The following NBEA variants were observed in gnomAD, a reference collection of about 807,000 sequenced individuals.
NBEA encodes the protein lysosomal-trafficking regulator 2.
Under a neutral mutation model 343.4 loss-of-function variants are expected in NBEA, and 44 were observed. The ratio of observed to expected loss-of-function variants is 0.13; its 90% CI spans 0.10 to 0.16. NBEA has a LOEUF of 0.16. NBEA is among the 10% of genes least tolerant of loss of function. The pLI, the probability that NBEA is intolerant of heterozygous loss-of-function variation, is 1.00. For synonymous variants in NBEA, 1,175 were observed against 1,238.7 expected (o/e 0.95, Z 1.08); for missense variants, 2,555 against 3,631.3 (o/e 0.70, Z 7.62).
At chr13:35,384,147 G>A (rs995870346) in intron 38 of NBEA, among the ~76,000 whole-genome samples, 14 of 152,150 alleles carry the variant, frequency 9.2e-5, no homozygotes, top group African/African-American at 2.9e-4. Context: ...CAAGGAAAAG[G>A]TTAGAAAACT....
At chr13:34,947,569 T>C (rs1268797614) in intron 1 of NBEA, among the ~76,000 whole-genome samples, 2 of 152,212 alleles carry the variant, frequency 1.3e-5, no homozygotes, top group Non-Finnish European at 1.5e-5. Flanking sequence ...TTATACAATG[T>C]CAGCATATCT....
At chr13:35,642,369 T>A (rs7330057) in intron 49 of NBEA, among the ~76,000 whole-genome samples, 4,370 of 152,286 alleles carry the variant, frequency 0.029, 232 homozygotes, top group African/African-American at 0.1. Flanking sequence ...GAGCTTCTAA[T>A]AATGGATAAC....
At chr13:35,486,385 A>G (rs1466331159) in intron 41 of NBEA, among the ~76,000 whole-genome samples, 1 of 152,128 alleles carries the variant, frequency 6.6e-6, no homozygotes, top group African/African-American at 2.4e-5. Flanking sequence ...TACAATTGCA[A>G]CATTCTTTTC....
intron 31 of NBEA, among the ~76,000 whole-genome samples, chr13:35,197,886 T>C (rs531347218): frequency 1.3e-5 from 2 of 152,300 alleles, no homozygotes; most frequent in East Asian, 3.9e-4. Flanking sequence ...TGAAAATCTG[T>C]TGTGGAAAAT....
At chr13:35,619,100 A>G (rs1315004183) in intron 48 of NBEA, among the ~76,000 whole-genome samples, 2 of 150,540 alleles carry the variant, frequency 1.3e-5, no homozygotes, top group East Asian at 2.0e-4. Context: ...AAATGTAAAA[A>G]TTTGCATTTG....
At chr13:35,413,614 C>T (rs1439528187) in intron 38 of NBEA, among the ~76,000 whole-genome samples, 1 of 152,032 alleles carries the variant, frequency 6.6e-6, no homozygotes, top group Non-Finnish European at 1.5e-5. Flanking sequence ...AGTACCTAAA[C>T]CCTATTTATC....
At position 35,173,421 on chromosome 13, in the gene NBEA, TC is replaced by T. The variant is rs761651355; in HGVS notation, c.4424-42del. ...TGCAACTTTTTCCAGGATATCAAAG[TC>T]AACAATTTATATTAACAATATGTTT... On this transcript the variant is annotated intron_variant, in intron 26 of 58. Transcript: ENST00000379939. 1.5e-5 allele frequency: 22 copies of T among 1,483,724 alleles called. No homozygotes were observed. In the African/African-American group the frequency reaches 2.8e-4, roughly 19 times the overall value. The allele number at this position is 1,483,724 out of a possible 1,614,324, so 91.9% of individuals were successfully genotyped here.
chr13:34,993,556 AGTGT>A (rs2060834995), intron 1 of NBEA, among the ~76,000 whole-genome samples: 1 of 152,212 alleles, frequency 6.6e-6, no homozygotes, highest in African/African-American at 2.4e-5. Context: ...GCCAAAGATT[AGTGT>A]GGAGACTATC....
intron 8 of NBEA, 77 bp from the exon 9 acceptor site, chr13:35,069,831 A>G: frequency 2.9e-6 from 3 of 1,027,144 alleles, no homozygotes; most frequent in Non-Finnish European, 4.1e-6. Context: ...ATTATTGTAA[A>G]TGTTTCTCTG....
intron 1 of NBEA, among the ~76,000 whole-genome samples, chr13:34,971,960 ATCTG>A (rs1221977357): frequency 6.6e-6 from 1 of 151,966 alleles, no homozygotes; most frequent in South Asian, 2.1e-4. Flanking sequence ...TCAGCTGTGA[ATCTG>A]TCTGGCCCTG....
intron 1 of NBEA, among the ~76,000 whole-genome samples, chr13:34,973,589 G>A (rs1457687638): frequency 6.6e-6 from 1 of 152,150 alleles, no homozygotes; most frequent in Non-Finnish European, 1.5e-5. Flanking sequence ...TGCTGTGCTG[G>A]GGGATTCCTT....
chr13:35,275,932 A>G (rs2034551630), intron 34 of NBEA, among the ~76,000 whole-genome samples: 1 of 152,112 alleles, frequency 6.6e-6, no homozygotes, highest in African/African-American at 2.4e-5. Context: ...GCAAACCAAC[A>G]TGGCACGTAT....
rs1470649796 is a variant in NBEA at position 35,118,410 on chromosome 13, G to T, written c.2179G>T (p.Val727Leu). 2 of 1,607,264 alleles carry T rather than the reference G, an allele frequency of 1.2e-6. No individual in the cohort carries two copies. Among genetic ancestry groups the T allele is most frequent in the Non-Finnish European group, 8.5e-7 (1 of 1,177,234 alleles). Residue 727 changes from valine to leucine, a missense_variant, in exon 16 of 59, where the codon GTG becomes TTG. Physicochemically the swap from Val to Leu is conservative, Grantham distance 32. This residue lies in a region of NBEA where 360 missense variants were observed against 519.1 expected (regional missense o/e 0.69). Transcript: ENST00000379939. ...TATTCATGATGTGCTACAGTTACTG[G>T]TGGCTTTAATGTCGGAACACCCAGC... is the stretch of plus-strand genomic sequence containing the variant. ...ENIHDVLQLL[V>L]ALMSEHPASM...
intron 39 of NBEA, among the ~76,000 whole-genome samples, chr13:35,449,734 T>G (rs1339222376): frequency 6.6e-6 from 1 of 152,204 alleles, no homozygotes; most frequent in Non-Finnish European, 1.5e-5. Context: ...TCCCTAATCT[T>G]TTATTCCAGA....
intron 1 of NBEA, among the ~76,000 whole-genome samples, chr13:35,005,524 AG>A (rs1257251520): frequency 6.6e-6 from 1 of 152,190 alleles, no homozygotes; most frequent in Non-Finnish European, 1.5e-5. Flanking sequence ...TGGAACTATC[AG>A]GCTAATTTGT....
At chr13:35,330,717 C>A (rs1358523472) in intron 36 of NBEA, among the ~76,000 whole-genome samples, 1 of 151,912 alleles carries the variant, frequency 6.6e-6, no homozygotes, top group African/African-American at 2.4e-5. Context: ...TCAACTGACG[C>A]AAAGGCATGA....
chr13:35,086,719 T>C (rs1304167236), intron 10 of NBEA, among the ~76,000 whole-genome samples: 1 of 151,904 alleles, frequency 6.6e-6, no homozygotes, highest in African/African-American at 2.4e-5. Context: ...TTTTAACTCT[T>C]TGAAACATCT....
rs140800518 is a variant in NBEA, at chr13:34,968,931, A to G, written c.294+25817A>G. Among the ~76,000 whole-genome samples, 952 of 152,104 alleles carry G rather than the reference A, an allele frequency of 6.3e-3. 10 individuals are homozygous for G. The highest frequency in any genetic ancestry group is 7.4e-3 in the Non-Finnish European group (502 of 67,982). ...TGATTATTAATGTGTTTTAATATCA[A>G]TTGAGAAGGACTTCAGTTAAGTCCT... On this transcript the variant is annotated intron_variant, in intron 1 of 58. Transcript: ENST00000379939.
intron 21 of NBEA, among the ~76,000 whole-genome samples, chr13:35,158,556 T>C (rs1054524480): frequency 1.3e-5 from 2 of 152,122 alleles, no homozygotes; most frequent in Admixed American, 6.6e-5. Context: ...AATTTATATA[T>C]TTAATGATAT....
Sources: gnomAD v4.1 joint callset for allele counts (sites outside exome capture counted in the v4.1 genomes callset) on GRCh38, gnomAD v4.1.1 for gene constraint, gnomAD v4.1.1 regional missense constraint, MANE v1.5 for transcripts, NCBI Gene and HGNC (gene_info 2026-07-23, HGNC 2026-07-21) for gene names.